AVEN: variants seen among roughly 807,000 people sequenced by gnomAD.
AVEN encodes apoptosis and caspase activation inhibitor.
Under a neutral mutation model 38.1 loss-of-function variants are expected in AVEN, and 41 were observed. The observed-to-expected ratio is 1.08, with a 90% CI of 0.84 to 1.40. AVEN has a LOEUF of 1.40. Ranked by LOEUF, AVEN falls within the 40% of genes most tolerant of loss-of-function variation. The pLI, the probability that AVEN is intolerant of heterozygous loss-of-function variation, is 0.00. For synonymous variants in AVEN, 206 were observed against 171.8 expected (o/e 1.20, Z -1.56); for missense variants, 605 against 438.8 (o/e 1.38, Z -3.38).
chr15:33,891,103 GA>G (rs879845790), intron 2 of AVEN, among the ~76,000 whole-genome samples: 356 of 143,930 alleles, frequency 2.5e-3, no homozygotes, highest in East Asian at 9.8e-3. Flanking sequence ...ACTCTGTCTG[GA>G]AAAAAAAAAA....
At chr15:33,865,057 A>C (rs1890015251), downstream of AVEN, 1 of 1,182,114 alleles carries the variant, frequency 8.5e-7, no homozygotes, top group Non-Finnish European at 1.2e-6. Context: ...GGGAGCCACA[A>C]AGAACAAAAA....
intron 2 of AVEN, among the ~76,000 whole-genome samples, chr15:33,952,723 A>C (rs1027773619): frequency 2.0e-5 from 3 of 152,188 alleles, no homozygotes; most frequent in African/African-American, 2.4e-5. Flanking sequence ...TGAGGAAAAC[A>C]GCATGGACAA....
At chr15:33,977,157 T>G (rs946483959) in intron 2 of AVEN, among the ~76,000 whole-genome samples, 4 of 152,182 alleles carry the variant, frequency 2.6e-5, no homozygotes, top group African/African-American at 9.7e-5. Context: ...ACTACCTTTT[T>G]TAGCAACAAA....
Position 34,030,431 on chromosome 15 carries a change from C to T in AVEN, c.267+8349G>A, listed in dbSNP as rs1480183732. ...CGCAATCTCGCTTCACTGCAAGCTC[C>T]GCCTCCCAGGTTCATGCCATTCTCC... On this transcript the variant is annotated intron_variant, in intron 1 of 5. Coordinates refer to ENST00000306730, the MANE Select transcript of AVEN (RefSeq NM_020371.3). Among the ~76,000 whole-genome samples the T allele has an allele frequency of 2.6e-5, 4 of 151,824 alleles. No individual in the cohort carries two copies. In the South Asian group the frequency reaches 6.2e-4, roughly 24 times the overall value.
chr15:34,073,522 T>C (rs1443888383), intron 1 of AVEN, among the ~76,000 whole-genome samples: 29 of 9,446 alleles, frequency 3.1e-3, no homozygotes, highest in South Asian at 0.012. Flanking sequence ...CTTTTTTCTT[T>C]TTTTTTTTTT....
At chr15:33,993,007 C>T (rs571430831) in intron 2 of AVEN, among the ~76,000 whole-genome samples, 180 of 152,316 alleles carry the variant, frequency 1.2e-3, no homozygotes, top group African/African-American at 4.3e-3. Flanking sequence ...TACAGACTTG[C>T]ACATAATATT....
chr15:33,863,659 C>CAAAACTATAGTTCT (rs1391360270), downstream of AVEN, among the ~76,000 whole-genome samples: 14 of 152,064 alleles, frequency 9.2e-5, no homozygotes, highest in Non-Finnish European at 4.4e-5. Context: ...ATGATGAAAA[C>CAAAACTATAGTTCT]AAAACTATAG....
intron 11 of AVEN, chr15:33,859,810 G>T: frequency 7.0e-7 from 1 of 1,418,442 alleles, no homozygotes; most frequent in Admixed American, 2.1e-5. Context: ...GACTTAATTG[G>T]TTTATGAAGA....
At chr15:33,937,357 AC>A (rs758546045) in intron 2 of AVEN, among the ~76,000 whole-genome samples, 1 of 145,018 alleles carries the variant, frequency 6.9e-6, no homozygotes, top group East Asian at 2.1e-4. Context: ...ACACGGTGAA[AC>A]CCATCTCTAC....
downstream of AVEN, among the ~76,000 whole-genome samples, chr15:33,855,172 G>A (rs2079518799): frequency 6.6e-6 from 1 of 152,038 alleles, no homozygotes; most frequent in Non-Finnish European, 1.5e-5. Context: ...GAGGGAGGGA[G>A]GTGATGGACA....
At chr15:33,964,233 T>TA (rs1340933855) in intron 2 of AVEN, among the ~76,000 whole-genome samples, 2 of 152,216 alleles carry the variant, frequency 1.3e-5, no homozygotes, top group African/African-American at 4.8e-5. Context: ...CTGTTCCACT[T>TA]ACTAGGGTAT....
At chr15:34,021,568 C>A (rs1333773375) in intron 1 of AVEN, among the ~76,000 whole-genome samples, 1 of 152,280 alleles carries the variant, frequency 6.6e-6, no homozygotes, top group African/African-American at 2.4e-5. Flanking sequence ...AGAGCACTTA[C>A]ACATGGCCGT....
At chr15:34,073,989 C>CTTTTTTTTTTTTTT (rs5811818) in intron 1 of AVEN, among the ~76,000 whole-genome samples, 8 of 31,474 alleles carry the variant, frequency 2.5e-4, no homozygotes, top group African/African-American at 4.6e-4. Flanking sequence ...TCTTCTTCTT[C>CTTTTTTTTTTTTTT]TTTTTTTTTT....
intron 2 of AVEN, among the ~76,000 whole-genome samples, chr15:33,942,613 G>C (rs952969125): frequency 3.3e-5 from 5 of 151,998 alleles, no homozygotes; most frequent in African/African-American, 1.2e-4. Context: ...ACCATGCCCG[G>C]CTAATATTTT....
chr15:34,067,710 A>T (rs1198845386), intron 2 of AVEN, among the ~76,000 whole-genome samples: 2 of 152,168 alleles, frequency 1.3e-5, no homozygotes, highest in African/African-American at 4.8e-5. Context: ...TCCCTTCCCT[A>T]TGGGACAAGG....
intron 2 of AVEN, among the ~76,000 whole-genome samples, chr15:33,928,802 T>C (rs1893729584): frequency 6.6e-6 from 1 of 152,160 alleles, no homozygotes; most frequent in South Asian, 2.1e-4. Context: ...GCAGTAGCCC[T>C]GGGTCTAAAA....
chr15:33,990,050 C>T (rs763073227), intron 2 of AVEN, among the ~76,000 whole-genome samples: 1 of 151,368 alleles, frequency 6.6e-6, no homozygotes, highest in Non-Finnish European at 1.5e-5. Flanking sequence ...TAAAAATACA[C>T]AAAATTAGCC....
intron 1 of AVEN, among the ~76,000 whole-genome samples, chr15:34,015,618 A>C (rs1897865059): frequency 6.6e-6 from 1 of 152,238 alleles, no homozygotes; most frequent in Non-Finnish European, 1.5e-5. Flanking sequence ...AGCTAAGAAT[A>C]AAAAAGTAAC....
intron 2 of AVEN, among the ~76,000 whole-genome samples, chr15:33,945,776 G>A (rs567165617): frequency 1.3e-5 from 2 of 152,170 alleles, no homozygotes; most frequent in Admixed American, 6.5e-5. Flanking sequence ...TCGTAGAGAC[G>A]GGGTTTCGCT....
Sources: gnomAD v4.1 joint callset for allele counts (sites outside exome capture counted in the v4.1 genomes callset) on GRCh38, gnomAD v4.1.1 for gene constraint, MANE v1.5 for transcripts, NCBI Gene and HGNC (gene_info 2026-07-23, HGNC 2026-07-21) for gene names.